Variants in ADAM18 observed in about 807,000 individuals in gnomAD.
ADAM18 encodes the protein disintegrin and metalloproteinase domain-containing protein 18.
A neutral mutation model predicts 94.4 loss-of-function variants in ADAM18; 117 were observed. That is an observed-to-expected ratio of 1.24 (90% CI 1.07 to 1.45). The LOEUF (loss-of-function observed/expected upper bound fraction) is 1.45, where lower values mean the gene tolerates loss of function less well. Among genes scored for constraint, ADAM18 ranks in the 40% most tolerant of loss-of-function variants. ADAM18 has a pLI of 0.00. For synonymous variants in ADAM18, 327 were observed against 291.6 expected, an observed-to-expected ratio of 1.12 and a Z score of -1.24; for missense variants, 936 against 880.0, an observed-to-expected ratio of 1.06 and a Z score of -0.81.
At chr8:39,656,522 CAA>C (rs1820689014) in intron 12 of ADAM18, among the ~76,000 whole-genome samples, 2 of 152,052 alleles carry the variant, frequency 1.3e-5, no homozygotes, top group African/African-American at 4.8e-5. Flanking sequence ...AAACACAAAA[CAA>C]AGTGTAAAAC....
chr8:39,671,745 G>T (rs751408353), intron 14 of ADAM18, among the ~76,000 whole-genome samples: 1 of 152,054 alleles, frequency 6.6e-6, no homozygotes, highest in Non-Finnish European at 1.5e-5. Context: ...GTATCTTCTC[G>T]CTATCCTTCG....
intron 16 of ADAM18, among the ~76,000 whole-genome samples, chr8:39,683,714 T>C (rs1821530978): frequency 6.6e-6 from 1 of 152,238 alleles, no homozygotes; most frequent in Non-Finnish European, 1.5e-5. Context: ...GAGTAAAGTA[T>C]CTGATCATGT....
intron 18 of ADAM18, 102 bp downstream of exon 18, chr8:39,707,006 C>A: frequency 1.6e-6 from 1 of 642,144 alleles, no homozygotes; most frequent in Non-Finnish European, 2.7e-6. Flanking sequence ...ATCTACATTG[C>A]AGCAGTCCCT....
chr8:39,716,005 C>T (rs530113838), intron 18 of ADAM18, among the ~76,000 whole-genome samples: 17 of 152,120 alleles, frequency 1.1e-4, no homozygotes, highest in African/African-American at 3.6e-4. Flanking sequence ...AAACTACAGA[C>T]CAATGTCTCT....
At chr8:39,638,190 T>C (rs1820136648) in intron 9 of ADAM18, among the ~76,000 whole-genome samples, 1 of 151,900 alleles carries the variant, frequency 6.6e-6, no homozygotes, top group South Asian at 2.1e-4. Flanking sequence ...CCAAACTAAG[T>C]TGAATTTGAG....
chr8:39,723,341 T>C (rs1822812282), intron 18 of ADAM18, among the ~76,000 whole-genome samples: 1 of 151,472 alleles, frequency 6.6e-6, no homozygotes, highest in Non-Finnish European at 1.5e-5. Flanking sequence ...ATATAAACAC[T>C]AGATGGAGAG....
chr8:39,698,121 C>G (rs930681924), intron 17 of ADAM18, among the ~76,000 whole-genome samples: 4 of 151,730 alleles, frequency 2.6e-5, no homozygotes, highest in Non-Finnish European at 5.9e-5. Flanking sequence ...TTCTGAATCT[C>G]TCAAGCTTTC....
At chr8:39,601,960 T>A (rs1213764816) in intron 2 of ADAM18, among the ~76,000 whole-genome samples, 1 of 152,242 alleles carries the variant, frequency 6.6e-6, no homozygotes, top group African/African-American at 2.4e-5. Context: ...GTTAGTATAG[T>A]GTCCTCAAGA....
intron 12 of ADAM18, among the ~76,000 whole-genome samples, chr8:39,663,592 C>T (rs1260004293): frequency 1.1e-5 from 1 of 89,818 alleles, no homozygotes; most frequent in Non-Finnish European, 2.0e-5. Flanking sequence ...GAGTGAAATC[C>T]TGTCTCAAAA....
chr8:39,634,221 C>T (rs1166460613), intron 7 of ADAM18, among the ~76,000 whole-genome samples: 1 of 152,090 alleles, frequency 6.6e-6, no homozygotes, highest in African/African-American at 2.4e-5. Context: ...AGACTGTGAA[C>T]CTTGGCTGTG....
chr8:39,683,374 A>T (rs1821523457), intron 16 of ADAM18, among the ~76,000 whole-genome samples: 1 of 152,228 alleles, frequency 6.6e-6, no homozygotes, highest in Admixed American at 6.5e-5. Flanking sequence ...CCATTCCCAG[A>T]ATTCACCACT....
chr8:39,710,356 A>G (rs1399390793), intron 18 of ADAM18, among the ~76,000 whole-genome samples: 1 of 152,222 alleles, frequency 6.6e-6, no homozygotes, highest in Non-Finnish European at 1.5e-5. Flanking sequence ...TTTTTCTTGT[A>G]TATACTTAAA....
chr8:39,607,412 T>C (rs1228901289), intron 3 of ADAM18, among the ~76,000 whole-genome samples: 3 of 152,220 alleles, frequency 2.0e-5, no homozygotes, highest in African/African-American at 4.8e-5. Flanking sequence ...CCTGCTTCTT[T>C]GTAATTGAAC....
intron 14 of ADAM18, among the ~76,000 whole-genome samples, chr8:39,670,596 G>A (rs1272347092): frequency 2.0e-5 from 3 of 152,162 alleles, no homozygotes; most frequent in East Asian, 1.9e-4. Flanking sequence ...CAAAGAGCCT[G>A]CAATATTCAA....
chr8:39,691,374 A>C (rs1380749479), intron 16 of ADAM18, among the ~76,000 whole-genome samples: 3 of 152,270 alleles, frequency 2.0e-5, no homozygotes, highest in Non-Finnish European at 4.4e-5. Flanking sequence ...ACTGTTTGTG[A>C]CAATGCAAAT....
At chr8:39,683,544 G>T (rs970558693) in intron 16 of ADAM18, among the ~76,000 whole-genome samples, 1 of 152,208 alleles carries the variant, frequency 6.6e-6, no homozygotes, top group Non-Finnish European at 1.5e-5. Flanking sequence ...CACCAGCAGT[G>T]TGTAAGTGAG....
At chr8:39,611,721 A>T (rs1819276256) in intron 6 of ADAM18, 3 of 556,644 alleles carry the variant, frequency 5.4e-6, no homozygotes, top group South Asian at 7.8e-5. Flanking sequence ...ATCATTATCC[A>T]ACATGTGGAG....
At chr8:39,653,778 T>C (rs1820606653) in intron 12 of ADAM18, among the ~76,000 whole-genome samples, 1 of 152,276 alleles carries the variant, frequency 6.6e-6, no homozygotes, top group East Asian at 1.9e-4. Context: ...GTATACAATG[T>C]GAAATGTTCA....
intron 6 of ADAM18, among the ~76,000 whole-genome samples, chr8:39,619,518 A>G (rs1299668376): frequency 1.3e-5 from 2 of 152,158 alleles, no homozygotes; most frequent in Admixed American, 1.3e-4. Context: ...TAAGAGAAAC[A>G]TTGGAAACTG....
Sources: allele counts gnomAD v4.1 joint callset (sites outside exome capture counted in the v4.1 genomes callset), GRCh38; gene constraint gnomAD v4.1.1; transcripts MANE v1.5; gene names NCBI Gene and HGNC (gene_info 2026-07-23, HGNC 2026-07-21).